CPED1: variants seen among roughly 807,000 people sequenced by gnomAD.
CPED1 encodes cadherin-like and PC-esterase domain-containing protein 1.
In CPED1, 114 loss-of-function variants were observed where a neutral mutation model predicts 128.2. That is an observed-to-expected ratio of 0.89 (90% confidence interval 0.76 to 1.04). The LOEUF (loss-of-function observed/expected upper bound fraction) is 1.04, where lower values mean the gene tolerates loss of function less well. CPED1 is among the 50% of genes least tolerant of loss of function. The probability of loss-of-function intolerance (pLI) is 0.00; values close to 1 mark genes in which losing one functional copy is unlikely to be tolerated. For synonymous variants in CPED1, 462 were observed against 426.7 expected, an observed-to-expected ratio of 1.08 and a Z score of -1.02; for missense variants, 1,211 against 1,207.1, an observed-to-expected ratio of 1.00 and a Z score of -0.05.
chr7:121,210,315 C>T (rs1336393188), intron 16 of CPED1, among the ~76,000 whole-genome samples: 6 of 151,902 alleles, frequency 3.9e-5, no homozygotes. Context: ...TGAGTATATA[C>T]CCAAAAGAAA....
chr7:121,138,648 A>G (rs1778724480), intron 14 of CPED1, among the ~76,000 whole-genome samples: 2 of 152,106 alleles, frequency 1.3e-5, no homozygotes, highest in South Asian at 2.1e-4. Context: ...TATAAACTGC[A>G]GGGAAATTAA....
intron 7 of CPED1, among the ~76,000 whole-genome samples, chr7:121,123,261 G>T (rs1197320505): frequency 6.6e-6 from 1 of 152,086 alleles, no homozygotes; most frequent in Non-Finnish European, 1.5e-5. Context: ...GCCAGTATTT[G>T]TTTATCTTGG....
At chr7:121,258,455 G>C (rs1473238746) in intron 18 of CPED1, among the ~76,000 whole-genome samples, 1 of 152,148 alleles carries the variant, frequency 6.6e-6, no homozygotes, top group African/African-American at 2.4e-5. Context: ...TGCCTAGGCA[G>C]AGTGGTGTTT....
chr7:121,026,373 C>T (rs528993420), intron 3 of CPED1, among the ~76,000 whole-genome samples: 2 of 152,052 alleles, frequency 1.3e-5, no homozygotes, highest in South Asian at 2.1e-4. Flanking sequence ...TGCCATGGCT[C>T]CCCTTTCCCT....
intron 10 of CPED1, among the ~76,000 whole-genome samples, chr7:121,128,111 A>T (rs1422796073): frequency 6.6e-6 from 1 of 152,054 alleles, no homozygotes; most frequent in East Asian, 1.9e-4. Flanking sequence ...AATAACATGG[A>T]TTGATTTTTA....
At chr7:121,238,200 A>C (rs1319991889) in intron 17 of CPED1, among the ~76,000 whole-genome samples, 1 of 152,158 alleles carries the variant, frequency 6.6e-6, no homozygotes, top group Non-Finnish European at 1.5e-5. Flanking sequence ...TGAGGCCGCC[A>C]TAGAACGGTG....
At chr7:121,060,826 C>T (rs10155891) in intron 4 of CPED1, among the ~76,000 whole-genome samples, 10 of 152,234 alleles carry the variant, frequency 6.6e-5, no homozygotes, top group African/African-American at 2.4e-4. Flanking sequence ...TGTTCTTTTG[C>T]GCTTTGCAAT....
At chr7:121,142,897 T>C (rs1244647892) in intron 16 of CPED1, among the ~76,000 whole-genome samples, 1 of 151,998 alleles carries the variant, frequency 6.6e-6, no homozygotes, top group Non-Finnish European at 1.5e-5. Flanking sequence ...ATATATCATG[T>C]CACATTATAT....
intron 18 of CPED1, among the ~76,000 whole-genome samples, chr7:121,247,503 T>A (rs1325732703): frequency 1.3e-5 from 2 of 152,130 alleles, no homozygotes; most frequent in Non-Finnish European, 2.9e-5. Flanking sequence ...CAAAAGCAGA[T>A]GGCAACACAG....
At chr7:121,233,432 C>T (rs1378829078) in intron 16 of CPED1, among the ~76,000 whole-genome samples, 1 of 151,950 alleles carries the variant, frequency 6.6e-6, no homozygotes, top group Non-Finnish European at 1.5e-5. Flanking sequence ...GCCTACAGTC[C>T]CAGCTACTTG....
chr7:121,136,908 G>T (rs1185700119), intron 14 of CPED1, among the ~76,000 whole-genome samples: 1 of 151,662 alleles, frequency 6.6e-6, no homozygotes, highest in Non-Finnish European at 1.5e-5. Flanking sequence ...GTCTCCAAAA[G>T]AAAAGAAAAA....
chr7:121,123,884 A>G (rs1026983086), intron 7 of CPED1, among the ~76,000 whole-genome samples: 3 of 152,176 alleles, frequency 2.0e-5, no homozygotes, highest in Non-Finnish European at 4.4e-5. Flanking sequence ...TAACATTTGA[A>G]TTTCATACTT....
intron 3 of CPED1, among the ~76,000 whole-genome samples, chr7:121,017,156 A>T (rs1792324841): frequency 6.6e-6 from 1 of 152,210 alleles, no homozygotes; most frequent in Non-Finnish European, 1.5e-5. Context: ...AGGTCTTAAA[A>T]TACGCAGAGC....
In CPED1 at chr7:121,029,744, C is replaced by T. The variant is rs545168621; in HGVS notation, c.433+13896C>T. Among the ~76,000 whole-genome samples, 185 of 152,158 alleles carry T rather than the reference C, an allele frequency of 1.2e-3. 2 individuals are homozygous for T. The highest frequency in any genetic ancestry group is 0.01 in the South Asian group (49 of 4,822). On this transcript the variant is annotated intron_variant, in intron 3 of 22. Transcript: ENST00000310396. ...TGACATGATTACCACATGATAAAATCGATTTTTATTTCTTGTCTTACGGAA... is the reference window on the plus strand; with the variant it reads ...TGACATGATTACCACATGATAAAATTGATTTTTATTTCTTGTCTTACGGAA...
At chr7:121,111,474 A>G (rs1325541506) in intron 7 of CPED1, among the ~76,000 whole-genome samples, 1 of 152,134 alleles carries the variant, frequency 6.6e-6, no homozygotes, top group Non-Finnish European at 1.5e-5. Context: ...AAATTGGGTT[A>G]TTTTCAAATA....
At chr7:121,240,755 C>A (rs1457306354) in intron 17 of CPED1, among the ~76,000 whole-genome samples, 2 of 23,676 alleles carry the variant, frequency 8.4e-5, no homozygotes, top group Non-Finnish European at 1.5e-4. Context: ...CCTCAGATTG[C>A]CTCTTCTGTT....
chr7:121,158,582 G>A (rs894337943), intron 16 of CPED1, among the ~76,000 whole-genome samples: 1 of 148,204 alleles, frequency 6.7e-6, no homozygotes, highest in Admixed American at 6.7e-5. Flanking sequence ...TTTTTTTTCT[G>A]GAGGAACAAA....
At position 121,297,275 on chromosome 7, in the gene CPED1, C is replaced by A. The variant is rs983439513; in HGVS notation, c.*1623C>A. ...AGCCTCTCCATCATGTTTTAACATA[C>A]TGTATACTCTATAGCAGTATTACAG... On this transcript the variant is annotated 3_prime_UTR_variant, in exon 23 of 23. Transcript: ENST00000310396. 3.0e-4 allele frequency: 46 copies of A among 152,042 alleles called. No individual in the cohort carries two copies. The highest frequency in any genetic ancestry group is 1.7e-3 in the Admixed American group (26 of 15,268). The allele number at this position is 152,042 out of a possible 1,614,324, so 9.4% of individuals were successfully genotyped here.
chr7:121,209,065 T>C (rs1584598782), intron 16 of CPED1, among the ~76,000 whole-genome samples: 1 of 152,188 alleles, frequency 6.6e-6, no homozygotes, highest in African/African-American at 2.4e-5. Flanking sequence ...TTGTGCCAGA[T>C]AGATGTCTGT....
Sources: allele counts gnomAD v4.1 joint callset (sites outside exome capture counted in the v4.1 genomes callset), GRCh38; gene constraint gnomAD v4.1.1; transcripts MANE v1.5; gene names NCBI Gene and HGNC (gene_info 2026-07-23, HGNC 2026-07-21).